EML2: variants seen among roughly 807,000 people sequenced by gnomAD.
EML2 encodes echinoderm microtubule-associated protein-like 2.
EML2 carries 59 observed loss-of-function variants against 84.7 expected under a neutral mutation model. The ratio of observed to expected loss-of-function variants is 0.70; its 90% CI spans 0.56 to 0.86. The LOEUF (loss-of-function observed/expected upper bound fraction) is 0.86. Ranked by LOEUF, EML2 falls within the 40% of genes least tolerant of loss-of-function variation. EML2 has a pLI of 0.00. For synonymous variants in EML2, 352 were observed against 348.9 expected, an observed-to-expected ratio of 1.01 and a Z score of -0.10; for missense variants, 818 against 855.6, an observed-to-expected ratio of 0.96 and a Z score of 0.55.
chr19:45,639,039 A>C, intron 1 of EML2, 166 bp from the exon 2 acceptor site: 1 of 880,182 alleles, frequency 1.1e-6, no homozygotes, highest in East Asian at 2.4e-5. Context: ...TGCTCGGTTG[A>C]TCTTGCAGAG....
At chr19:45,637,662 C>CTTTT (rs1206550438) in intron 3 of EML2, among the ~76,000 whole-genome samples, 16 of 45,790 alleles carry the variant, frequency 3.5e-4, no homozygotes, top group Admixed American at 2.0e-3. Flanking sequence ...TTTTCTTTTT[C>CTTTT]TTTTCTTTTT....
chr19:45,624,975 A>G (rs974453839), intron 8 of EML2, among the ~76,000 whole-genome samples, 157 bp from the exon 9 acceptor site: 1 of 152,066 alleles, frequency 6.6e-6, no homozygotes, highest in Admixed American at 6.6e-5. Context: ...ACCTGCCTCC[A>G]TCCGGCCTGC....
chr19:45,615,272 G>A (rs1178112205), intron 16 of EML2, among the ~76,000 whole-genome samples: 1 of 151,860 alleles, frequency 6.6e-6, no homozygotes, highest in South Asian at 2.1e-4. Context: ...CCTGGGAGGC[G>A]GAGGCTGCAG....
At position 45,609,729 on chromosome 19, in the gene EML2, C is replaced by T. The variant is rs199957663; in HGVS notation, c.1884G>A (p.Trp628Ter). ...CTGTGGTCAGGGCCATGCTGTCATC[C>T]CACAAGAAGGCCACATTTGTCACAT... is the stretch of plus-strand genomic sequence containing the variant. Reference protein sequence around the residue: ...SSHVTNVAFLWDDSMALTTGG... With the variant: ...SSHVTNVAFL Residue 628 changes from tryptophan (W) to a stop codon, truncating the protein, a stop_gained, in exon 19 of 19, where the codon TGG becomes TGA. Transcript: ENST00000245925. LOFTEE classifies it high-confidence loss of function. 2 of 1,613,638 alleles carry T rather than the reference C, an allele frequency of 1.2e-6. No individual in the cohort carries two copies. The highest frequency in any genetic ancestry group is 1.7e-6 in the Non-Finnish European group (2 of 1,179,846).
chr19:45,630,028 A>C lies in EML2; in HGVS notation c.529T>G (p.Cys177Gly), dbSNP rs1183475638. The change falls in exon 7 of 19, where the codon TGT becomes GGT. Residue 177 changes from cysteine (C) to glycine (G), a missense_variant. Transcript: ENST00000245925. ...FSKSNGGNLL[C>G]AVDESNDHML... ...TGATCATTGGATTCATCCACTGCAC[A>C]CAGCAGGTTGCCTCCATTCTAAAGA... 1 of 1,612,892 alleles carries C rather than the reference A, an allele frequency of 6.2e-7. No homozygotes were observed. Among genetic ancestry groups the C allele is most frequent in the Non-Finnish European group, 8.5e-7 (1 of 1,179,408 alleles).
chr19:45,645,556 A>G, upstream of EML2: 1 of 1,016,650 alleles, frequency 9.8e-7, no homozygotes. Flanking sequence ...GCCCCCCAAC[A>G]CAATCCTAGG....
At chr19:45,614,543 C>A in intron 17 of EML2, 62 bp downstream of exon 17, 1 of 1,441,984 alleles carries the variant, frequency 6.9e-7, no homozygotes, top group Middle Eastern at 1.8e-4. Context: ...CTGGAAACCA[C>A]CAGCGGGGAT....
Position 45,616,813 on chromosome 19 carries a change from T to G in EML2, c.1363A>C (p.Ile455Leu), listed in dbSNP as rs371846195. ...ATCTGTTCATTGCCGTCTGTGTGGA[T>G]AGCCACCAGGTCATGGGTCTCCGTG... ...LDTETHDLVA[I>L]HTDGNEQISV... Residue 455 changes from isoleucine to leucine, a missense_variant, in exon 14 of 19, where the codon ATC becomes CTC. Ile to Leu is a conservative substitution (Grantham distance 5). Coordinates refer to ENST00000245925, the MANE Select transcript of EML2 (RefSeq NM_012155.4). 6.2e-6 allele frequency: 10 copies of G among 1,613,270 alleles called. No homozygotes were observed. Among genetic ancestry groups the G allele is most frequent in the Non-Finnish European group, 7.6e-6 (9 of 1,179,924 alleles).
intron 11 of EML2, 135 bp from the exon 12 acceptor site, chr19:45,619,326 A>T: frequency 8.3e-7 from 1 of 1,208,830 alleles, no homozygotes; most frequent in Non-Finnish European, 1.1e-6. Context: ...GACCTTTCCC[A>T]GTATGTCTGA....
intron 9 of EML2, among the ~76,000 whole-genome samples, chr19:45,622,136 C>G (rs893558841): frequency 2.6e-5 from 4 of 152,148 alleles, no homozygotes; most frequent in African/African-American, 9.7e-5. Flanking sequence ...ATCATCTATT[C>G]ATTAAACCAT....
At position 45,633,134 on chromosome 19, in the gene EML2, G is replaced by A; in HGVS notation, c.335C>T (p.Ala112Val). 6.2e-7 allele frequency: 1 copy of A among 1,605,714 alleles called. No individual in the cohort carries two copies. Among genetic ancestry groups the A allele is most frequent in the Non-Finnish European group, 8.5e-7 (1 of 1,176,446 alleles). Residue 112 changes from alanine (A) to valine (V), a missense_variant, in exon 5 of 19, where the codon GCC becomes GTC. By Grantham distance (64) the Ala-to-Val change is moderately conservative. Coordinates refer to ENST00000245925, the MANE Select transcript of EML2 (RefSeq NM_012155.4). ...LGHNDDIKCLAIHPDMVTIAT... is the reference protein window; with the variant it reads ...LGHNDDIKCLVIHPDMVTIAT... ...GATGGTGACCATATCTGGGTGGATG[G>A]CCAAGCTGCGGAAAGAAGGGACAGA...
At position 45,630,020 on chromosome 19, in the gene EML2, C is replaced by T; in HGVS notation, c.537G>A (p.Val179=). 3.1e-6 allele frequency: 5 copies of T among 1,613,148 alleles called. No individual in the cohort carries two copies. The highest frequency in any genetic ancestry group is 4.2e-6 in the Non-Finnish European group (5 of 1,179,540). Residue 179 remains valine (V), a synonymous_variant, in exon 7 of 19, where the codon GTG becomes GTA. Coordinates refer to ENST00000245925, the MANE Select transcript of EML2 (RefSeq NM_012155.4). The part of the protein sequence containing the change: ...KSNGGNLLCA[V]DESNDHMLSV... ...AGAGCATGTGATCATTGGATTCATCCACTGCACACAGCAGGTTGCCTCCAT... is the reference window on the plus strand; with the variant it reads ...AGAGCATGTGATCATTGGATTCATCTACTGCACACAGCAGGTTGCCTCCAT...
chr19:45,618,964 G>T, intron 12 of EML2, 96 bp downstream of exon 12: 11 of 1,185,148 alleles, frequency 9.3e-6, no homozygotes, highest in South Asian at 2.4e-5. Context: ...AAAAAAAAAA[G>T]ACCTTGTTTG....
At chr19:45,619,283 G>A (rs1971434817) in intron 11 of EML2, 92 bp from the exon 12 acceptor site, 1 of 1,457,430 alleles carries the variant, frequency 6.9e-7, no homozygotes. Flanking sequence ...ATGAGCCCCA[G>A]CAACTCACCC....
At chr19:45,631,409 T>TTATC (rs59907748) in intron 6 of EML2, among the ~76,000 whole-genome samples, 54 of 151,496 alleles carry the variant, frequency 3.6e-4, no homozygotes, top group African/African-American at 3.9e-4. Context: ...AATATGATTT[T>TTATC]TATCTATCTA....
chr19:45,633,039 C>T, intron 5 of EML2, 31 bp downstream of exon 5: 1 of 1,593,424 alleles, frequency 6.3e-7, no homozygotes, highest in Non-Finnish European at 8.5e-7. Context: ...GCGTCCTGCA[C>T]TCTTTTCTGC....
In EML2 at chr19:45,633,092, G is replaced by A. The variant is rs554674715; in HGVS notation, c.377C>T (p.Ala126Val). ...DMVTIATGQV[A>V]GTTKEGKPLP... ...TACCTTCCCTTCCTTAGTGGTTCCC[G>A]CCACCTGTCCCGTGGCGATGGTGAC... The change falls in exon 5 of 19, where the codon GCG becomes GTG. Residue 126 changes from alanine to valine, a missense_variant. Ala to Val is a moderately conservative substitution (Grantham distance 64). Coordinates refer to ENST00000245925, the MANE Select transcript of EML2 (RefSeq NM_012155.4). The A allele has an allele frequency of 2.5e-6, 4 of 1,596,930 alleles. No homozygotes were observed. Among genetic ancestry groups the A allele is most frequent in the South Asian group, 1.1e-5 (1 of 88,352 alleles).
At chr19:45,642,451 G>A (rs1460772683), upstream of EML2, 9 of 1,460,536 alleles carry the variant, frequency 6.2e-6, no homozygotes, top group South Asian at 1.4e-5. Context: ...GGCCAGCCAC[G>A]CCCCTTTCCT....
chr19:45,645,000 C>A, upstream of EML2: 1 of 551,862 alleles, frequency 1.8e-6, no homozygotes, highest in Non-Finnish European at 3.3e-6. Context: ...GGCCGTTCCC[C>A]CTTCCAATCC....
Sources: allele counts gnomAD v4.1 joint callset (sites outside exome capture counted in the v4.1 genomes callset), GRCh38; gene constraint gnomAD v4.1.1; transcripts MANE v1.5; gene names NCBI Gene and HGNC (gene_info 2026-07-23, HGNC 2026-07-21).